The following RAPGEF4 variants were observed in gnomAD, a reference collection of about 807,000 sequenced individuals.
The protein encoded by RAPGEF4 is RAP guanine-nucleotide-exchange factor (GEF) 4.
Under a neutral mutation model 147.9 loss-of-function variants are expected in RAPGEF4, and 66 were observed. The observed-to-expected ratio is 0.45, with a 90% CI of 0.37 to 0.55. RAPGEF4 has a LOEUF of 0.55. Ranked by LOEUF, RAPGEF4 falls within the 20% of genes least tolerant of loss-of-function variation. RAPGEF4 has a pLI of 0.00. For synonymous variants in RAPGEF4, 419 were observed against 442.7 expected (o/e 0.95, Z 0.67); for missense variants, 1,071 against 1,257.3 (o/e 0.85, Z 2.24).
At chr2:172,737,721 A>C (rs941653703) in intron 1 of RAPGEF4, among the ~76,000 whole-genome samples, 3 of 150,348 alleles carry the variant, frequency 2.0e-5, no homozygotes, top group African/African-American at 4.9e-5. Flanking sequence ...AAAAAAAAAA[A>C]CCCTTCACAG....
Position 173,031,310 on chromosome 2 carries a change from C to T in RAPGEF4, c.2649+1056C>T, listed in dbSNP as rs570250547. On this transcript the variant is annotated intron_variant, in intron 26 of 30. Transcript: ENST00000397081. The stretch of plus-strand genomic sequence containing the variant: ...GGAATGAGGGAATTGGTGAGGCCTG[C>T]GTGCCATGCAGCTATATCATCTTCC... 3.9e-5 allele frequency among the ~76,000 whole-genome samples: 6 copies of T among 152,252 alleles called. No individual in the cohort carries two copies. In the South Asian group the frequency reaches 6.2e-4, roughly 16 times the overall value.
intron 27 of RAPGEF4, among the ~76,000 whole-genome samples, chr2:173,035,712 G>A (rs1683907989): frequency 6.6e-6 from 1 of 152,046 alleles, no homozygotes; most frequent in South Asian, 2.1e-4. Flanking sequence ...TTGACTAGAG[G>A]CCTTACTGAT....
chr2:172,940,671 T>C (rs928119923), intron 6 of RAPGEF4, among the ~76,000 whole-genome samples: 4 of 152,210 alleles, frequency 2.6e-5, no homozygotes, highest in Admixed American at 6.5e-5. Context: ...TATTTCTTTA[T>C]AGCAATGCAA....
chr2:173,014,750 G>A, intron 18 of RAPGEF4, 136 bp downstream of exon 18: 1 of 865,774 alleles, frequency 1.2e-6, no homozygotes, highest in African/African-American at 1.8e-5. Flanking sequence ...TCATCAGAAA[G>A]GAACTACAGA....
intron 4 of RAPGEF4, among the ~76,000 whole-genome samples, chr2:172,831,456 A>T (rs1690344948): frequency 6.6e-6 from 1 of 151,364 alleles, no homozygotes; most frequent in Non-Finnish European, 1.5e-5. Context: ...TTTAGTAGAG[A>T]TGGAGTTTCA....
At chr2:172,782,497 T>A (rs1678088876) in intron 1 of RAPGEF4, among the ~76,000 whole-genome samples, 1 of 152,244 alleles carries the variant, frequency 6.6e-6, no homozygotes, top group African/African-American at 2.4e-5. Flanking sequence ...TCCCCTTCTC[T>A]AACTCTTTCA....
At chr2:172,788,700 C>T in intron 1 of RAPGEF4, among the ~76,000 whole-genome samples, 1 of 151,756 alleles carries the variant, frequency 6.6e-6, no homozygotes, top group Non-Finnish European at 1.5e-5. Flanking sequence ...CCCTGGGCAA[C>T]AAGGCGAGAC....
intron 6 of RAPGEF4, among the ~76,000 whole-genome samples, chr2:172,954,684 A>C (rs1029791964): frequency 6.6e-6 from 1 of 152,228 alleles, no homozygotes. Context: ...TGAGACATAC[A>C]TTTCAAAGAT....
chr2:172,956,400 A>G (rs1688733742), intron 6 of RAPGEF4, among the ~76,000 whole-genome samples: 1 of 151,608 alleles, frequency 6.6e-6, no homozygotes, highest in Non-Finnish European at 1.5e-5. Context: ...TCTCCCTGGT[A>G]TATTTGTCTT....
At chr2:172,879,360 A>G (rs376220606) in intron 4 of RAPGEF4, among the ~76,000 whole-genome samples, 3 of 152,224 alleles carry the variant, frequency 2.0e-5, no homozygotes, top group Admixed American at 1.3e-4. Context: ...ACCTAAAGCC[A>G]TAGCTTTGTA....
At chr2:172,853,161 T>G (rs12478288) in intron 4 of RAPGEF4, among the ~76,000 whole-genome samples, 23,438 of 151,980 alleles carry the variant, frequency 0.15, 2,138 homozygotes, top group East Asian at 0.25. Flanking sequence ...CATAAAATGG[T>G]TGGGGATTGT....
rs564591842 is a variant in RAPGEF4, at chr2:173,008,664, G to C, written c.1659-5800G>C. Among the ~76,000 whole-genome samples, 6 of 152,292 alleles carry C rather than the reference G, an allele frequency of 3.9e-5. No homozygotes were observed. In the South Asian group the frequency reaches 1.2e-3, roughly 32 times the overall value. On this transcript the variant is annotated intron_variant, in intron 17 of 30. Coordinates refer to ENST00000397081, the MANE Select transcript of RAPGEF4 (RefSeq NM_007023.4). Reference sequence around the variant, plus strand: ...AAGTATACATAATATTTTATTCCCTGTTGTAGGCTGTAATGAATCTGCTGC... The same window carrying C: ...AAGTATACATAATATTTTATTCCCTCTTGTAGGCTGTAATGAATCTGCTGC...
chr2:173,032,144 T>G (rs972123367), intron 26 of RAPGEF4, among the ~76,000 whole-genome samples: 3 of 152,154 alleles, frequency 2.0e-5, no homozygotes, highest in South Asian at 2.1e-4. Context: ...GCACACACAC[T>G]CTCTCAGCCT....
chr2:172,872,526 C>T (rs572500024), intron 4 of RAPGEF4, among the ~76,000 whole-genome samples: 1 of 152,206 alleles, frequency 6.6e-6, no homozygotes, highest in South Asian at 2.1e-4. Flanking sequence ...GAATTGTAAT[C>T]CCTACTTGTT....
At chr2:173,015,107 T>C (rs1307947692) in intron 18 of RAPGEF4, among the ~76,000 whole-genome samples, 1 of 152,222 alleles carries the variant, frequency 6.6e-6, no homozygotes, top group African/African-American at 2.4e-5. Flanking sequence ...TAAAAAGTCT[T>C]GTGCAAGTGA....
chr2:172,833,746 G>A (rs892298446), intron 4 of RAPGEF4, among the ~76,000 whole-genome samples: 3 of 152,234 alleles, frequency 2.0e-5, no homozygotes, highest in Admixed American at 6.5e-5. Flanking sequence ...GTGACTAGGC[G>A]CTTAGGACTG....
At chr2:173,033,799 G>A (rs1683542590) in intron 26 of RAPGEF4, 115 bp from the exon 27 acceptor site, 13 of 921,562 alleles carry the variant, frequency 1.4e-5, no homozygotes, top group Non-Finnish European at 2.0e-5. Context: ...GCCTGTCTCA[G>A]AGATGTTTGA....
chr2:173,043,886 C>G (rs1057391104), intron 29 of RAPGEF4, among the ~76,000 whole-genome samples: 4 of 152,220 alleles, frequency 2.6e-5, no homozygotes, highest in Non-Finnish European at 4.4e-5. Flanking sequence ...CAGTGGTCAC[C>G]CCTTCCTCTG....
intron 3 of RAPGEF4, among the ~76,000 whole-genome samples, chr2:172,803,191 G>A (rs1420194649): frequency 6.6e-6 from 1 of 152,176 alleles, no homozygotes; most frequent in Non-Finnish European, 1.5e-5. Context: ...CTGTGTGGGG[G>A]CTCTGACCCC....
Sources: allele counts gnomAD v4.1 joint callset (sites outside exome capture counted in the v4.1 genomes callset), GRCh38; gene constraint gnomAD v4.1.1; transcripts MANE v1.5; gene names NCBI Gene and HGNC (gene_info 2026-07-23, HGNC 2026-07-21).